The following MARCHF1 variants were observed in gnomAD, a reference collection of about 807,000 sequenced individuals.
The protein encoded by MARCHF1 is E3 ubiquitin-protein ligase MARCHF1.
MARCHF1 carries 40 observed loss-of-function variants against 54.2 expected under a neutral mutation model. The observed-to-expected ratio is 0.74, with a 90% CI of 0.57 to 0.96. The LOEUF (loss-of-function observed/expected upper bound fraction) is 0.96, where lower values mean the gene tolerates loss of function less well. MARCHF1 is among the 40% of genes least tolerant of loss of function. MARCHF1 has a pLI of 0.00. For synonymous variants in MARCHF1, 236 were observed against 236.3 expected (o/e 1.00, Z 0.01); for missense variants, 586 against 656.5 (o/e 0.89, Z 1.17).
At chr4:163,821,202 C>T (rs973719428) in intron 4 of MARCHF1, among the ~76,000 whole-genome samples, 5 of 151,956 alleles carry the variant, frequency 3.3e-5, no homozygotes, top group Non-Finnish European at 7.4e-5. Flanking sequence ...GCTCAACTAA[C>T]TCTTACCCTT....
intron 2 of MARCHF1, among the ~76,000 whole-genome samples, chr4:164,028,554 G>C (rs1753815733): frequency 6.6e-6 from 1 of 152,144 alleles, no homozygotes; most frequent in South Asian, 2.1e-4. Flanking sequence ...GGGAACAACA[G>C]ACACTGCAAA....
intron 3 of MARCHF1, among the ~76,000 whole-genome samples, chr4:163,883,524 C>T (rs560814674): frequency 1.3e-5 from 2 of 151,940 alleles, no homozygotes; most frequent in South Asian, 2.1e-4. Context: ...AGATATTGTA[C>T]AATGTGTGAA....
intron 1 of MARCHF1, among the ~76,000 whole-genome samples, chr4:164,184,758 C>T (rs1447097982): frequency 1.3e-5 from 2 of 152,196 alleles, no homozygotes; most frequent in African/African-American, 4.8e-5. Flanking sequence ...CCTCATCAGA[C>T]CTGTCCTTGT....
intron 9 of MARCHF1, among the ~76,000 whole-genome samples, chr4:163,534,934 A>T (rs920952335): frequency 5.3e-5 from 8 of 152,114 alleles, no homozygotes; most frequent in Admixed American, 5.2e-4. Context: ...TAGGATAAAA[A>T]ATACAGAAAT....
At chr4:164,067,230 G>GA (rs1183521523) in intron 2 of MARCHF1, among the ~76,000 whole-genome samples, 1 of 151,796 alleles carries the variant, frequency 6.6e-6, no homozygotes, top group Non-Finnish European at 1.5e-5. Flanking sequence ...CACAGAATTA[G>GA]AAAAAAAGTA....
intron 1 of MARCHF1, among the ~76,000 whole-genome samples, chr4:164,329,746 C>T (rs7665205): frequency 0.021 from 3,155 of 152,184 alleles, 108 homozygotes; most frequent in African/African-American, 0.072. Flanking sequence ...AGAGAGTGGA[C>T]AGGGAGGTGC....
intron 1 of MARCHF1, among the ~76,000 whole-genome samples, chr4:164,376,666 G>A (rs1045777264): frequency 2.6e-5 from 4 of 152,134 alleles, no homozygotes; most frequent in African/African-American, 7.2e-5. Flanking sequence ...CACTGACTGC[G>A]AGGCTCCATG....
chr4:163,610,722 A>T (rs935011396), intron 7 of MARCHF1, among the ~76,000 whole-genome samples: 24 of 152,256 alleles, frequency 1.6e-4, no homozygotes, highest in African/African-American at 5.8e-4. Context: ...TAGGTAAATT[A>T]CACGGTGACA....
rs559103815 is a variant in MARCHF1, at chr4:163,946,900, T to C, written c.-39+41601A>G. On this transcript the variant is annotated intron_variant, in intron 3 of 9. Coordinates refer to ENST00000514618, the MANE Select transcript of MARCHF1 (RefSeq NM_001394959.1). ...CAACAATTTGTTAAGATGTTATCTC[T>C]ACACCATTAGAATACCCTATCAAAT... Among the ~76,000 whole-genome samples the C allele has an allele frequency of 4.6e-5, 7 of 152,340 alleles. No individual in the cohort carries two copies. In the East Asian group the frequency reaches 1.3e-3, roughly 29 times the overall value.
At chr4:163,794,165 G>C (rs1234526621) in intron 4 of MARCHF1, among the ~76,000 whole-genome samples, 1 of 152,128 alleles carries the variant, frequency 6.6e-6, no homozygotes, top group African/African-American at 2.4e-5. Flanking sequence ...AGCAGATGTG[G>C]TACAGAATAC....
At chr4:163,884,021 C>A (rs1158743417) in intron 3 of MARCHF1, among the ~76,000 whole-genome samples, 2 of 152,094 alleles carry the variant, frequency 1.3e-5, no homozygotes, top group Admixed American at 1.3e-4. Flanking sequence ...AAGAAAATAG[C>A]TCCTCATATG....
At chr4:164,370,411 C>T (rs1271041022) in intron 1 of MARCHF1, among the ~76,000 whole-genome samples, 5 of 152,198 alleles carry the variant, frequency 3.3e-5, no homozygotes, top group Admixed American at 2.0e-4. Flanking sequence ...TTCACTTCTA[C>T]ACCTGCTAAG....
intron 1 of MARCHF1, among the ~76,000 whole-genome samples, chr4:164,180,298 A>G (rs1257869842): frequency 6.6e-6 from 1 of 152,142 alleles, no homozygotes; most frequent in Non-Finnish European, 1.5e-5. Flanking sequence ...TGCTGAATTT[A>G]AAGAATTTTA....
At chr4:164,372,161 TGTATA>T (rs1731054105) in intron 1 of MARCHF1, among the ~76,000 whole-genome samples, 1 of 152,252 alleles carries the variant, frequency 6.6e-6, no homozygotes, top group Admixed American at 6.5e-5. Flanking sequence ...TTTTAATTTC[TGTATA>T]GTATTCAATT....
chr4:163,800,209 C>G (rs1440706272), intron 4 of MARCHF1, among the ~76,000 whole-genome samples: 2 of 151,986 alleles, frequency 1.3e-5, no homozygotes, highest in South Asian at 2.1e-4. Context: ...TATTTGTACA[C>G]CAAATTTCAG....
At chr4:164,378,337 G>A (rs1041151248) in intron 1 of MARCHF1, among the ~76,000 whole-genome samples, 6 of 152,232 alleles carry the variant, frequency 3.9e-5, no homozygotes, top group African/African-American at 1.4e-4. Flanking sequence ...AGCTCAGTGA[G>A]AAGTAAAAGG....
Position 164,351,637 on chromosome 4 carries a change from T to C in MARCHF1, c.-323+32233A>G, listed in dbSNP as rs543679785. On this transcript the variant is annotated intron_variant, in intron 1 of 9. Transcript: ENST00000514618. ...ACATCACCATCATCAAGACCAAAAG[T>C]AGATAAAACCACAAAGATGGGGAAA... Among the ~76,000 whole-genome samples the C allele has an allele frequency of 4.0e-5, 6 of 151,876 alleles. 1 individual carries two copies. The South Asian group carries it at 1.2e-3, about 32-fold the overall frequency.
intron 4 of MARCHF1, among the ~76,000 whole-genome samples, chr4:163,805,663 T>C: frequency 6.6e-6 from 1 of 152,196 alleles, no homozygotes; most frequent in Non-Finnish European, 1.5e-5. Context: ...ATTTTCCTTA[T>C]GTTGTAGAAG....
intron 1 of MARCHF1, among the ~76,000 whole-genome samples, chr4:164,301,542 G>C (rs530744199): frequency 2.5e-4 from 38 of 152,182 alleles, no homozygotes; most frequent in Admixed American, 1.2e-3. Context: ...GATAGGGCTC[G>C]GTTTGTACAT....
Sources: gnomAD v4.1 joint callset for allele counts (sites outside exome capture counted in the v4.1 genomes callset) on GRCh38, gnomAD v4.1.1 for gene constraint, MANE v1.5 for transcripts, NCBI Gene and HGNC (gene_info 2026-07-23, HGNC 2026-07-21) for gene names.